Variants in MAPRE1 observed in about 807,000 individuals in gnomAD.
MAPRE1 encodes microtubule-associated protein RP/EB family member 1.
A neutral mutation model predicts 32.1 loss-of-function variants in MAPRE1; 5 were observed. The ratio of observed to expected loss-of-function variants is 0.16; its 90% CI spans 0.08 to 0.33. The LOEUF (loss-of-function observed/expected upper bound fraction) is 0.33, where lower values mean the gene tolerates loss of function less well. Among genes scored for constraint, MAPRE1 ranks in the 10% least tolerant of loss-of-function variants. The pLI is 1.00. For missense variants in MAPRE1, 209 were observed against 327.2 expected (o/e 0.64, Z 2.79); for synonymous variants, 122 against 118.9 (o/e 1.03, Z -0.17).
chr20:32,839,328 G>A (rs1983289328), intron 4 of MAPRE1, among the ~76,000 whole-genome samples: 1 of 152,210 alleles, frequency 6.6e-6, no homozygotes. Flanking sequence ...TTGGTTTGTA[G>A]ATGTGTTAAC....
chr20:32,824,483 C>T (rs1056437929), intron 1 of MAPRE1, among the ~76,000 whole-genome samples: 13 of 152,192 alleles, frequency 8.5e-5, no homozygotes, highest in African/African-American at 2.4e-5. Flanking sequence ...GTGAACCTTG[C>T]AGAGGGCTGT....
At position 32,833,786 on chromosome 20, in the gene MAPRE1, A is replaced by C; in HGVS notation, c.191A>C (p.Gln64Pro). ...ATTGCCTTGAAGAAAGTGAAATTCC[A>C]AGCTAAGCTAGAACACGAGTACATC... is the stretch of plus-strand genomic sequence containing the variant. ...GSIALKKVKFQAKLEHEYIQN... is the reference protein window; with the variant it reads ...GSIALKKVKFPAKLEHEYIQN... Residue 64 changes from glutamine (Q) to proline (P), a missense_variant, in exon 3 of 7, where the codon CAA becomes CCA. By Grantham distance (76) the Gln-to-Pro change is moderately conservative. This residue lies in a region of MAPRE1 where 67 missense variants were observed against 140.0 expected (regional missense o/e 0.48). Transcript: ENST00000375571. 1 of 1,614,104 alleles carries C rather than the reference A, an allele frequency of 6.2e-7. No homozygotes were observed. The highest frequency in any genetic ancestry group is 8.5e-7 in the Non-Finnish European group (1 of 1,179,968).
intron 2 of MAPRE1, among the ~76,000 whole-genome samples, chr20:32,830,323 T>C (rs527694718): frequency 6.6e-6 from 1 of 152,322 alleles, no homozygotes; most frequent in East Asian, 1.9e-4. Context: ...GAGTGTGTTA[T>C]CACACCTGTA....
chr20:32,824,195 C>T (rs1412451864), intron 1 of MAPRE1, among the ~76,000 whole-genome samples: 1 of 152,242 alleles, frequency 6.6e-6, no homozygotes, highest in Non-Finnish European at 1.5e-5. Context: ...TTGTCTCTTG[C>T]TTTTCTGTAT....
chr20:32,831,455 AGTT>A (rs1030722443), intron 2 of MAPRE1, among the ~76,000 whole-genome samples: 7 of 150,386 alleles, frequency 4.7e-5, no homozygotes, highest in African/African-American at 1.5e-4. Flanking sequence ...TTCATGCATA[AGTT>A]GTTGACTTTT....
intron 1 of MAPRE1, among the ~76,000 whole-genome samples, chr20:32,821,024 C>CTTT (rs35886111): frequency 7.1e-6 from 1 of 140,666 alleles, no homozygotes; most frequent in African/African-American, 2.6e-5. Context: ...TCTCTTCTTC[C>CTTT]TTTTTTTTTT....
intron 5 of MAPRE1, among the ~76,000 whole-genome samples, chr20:32,845,460 T>G (rs1194286233): frequency 1.3e-5 from 2 of 152,186 alleles, no homozygotes; most frequent in Admixed American, 6.5e-5. Flanking sequence ...GATGATGAAC[T>G]TTGAAATTCG....
intron 1 of MAPRE1, among the ~76,000 whole-genome samples, chr20:32,825,287 C>T (rs1332939265): frequency 6.6e-6 from 1 of 152,136 alleles, no homozygotes; most frequent in Non-Finnish European, 1.5e-5. Flanking sequence ...GCATCTGCCT[C>T]CCATCATAAA....
intron 6 of MAPRE1, among the ~76,000 whole-genome samples, chr20:32,847,524 CAT>C (rs1983536519): frequency 6.6e-6 from 1 of 152,144 alleles, no homozygotes; most frequent in African/African-American, 2.4e-5. Flanking sequence ...GTCCTTGAGA[CAT>C]ATCTTGTGAA....
intron 5 of MAPRE1, 131 bp downstream of exon 5, chr20:32,839,987 G>C: frequency 7.8e-7 from 1 of 1,276,498 alleles, no homozygotes; most frequent in East Asian, 2.4e-5. Flanking sequence ...ACACGTGTGA[G>C]CCTCAGGTGC....
At chr20:32,826,241 G>T (rs1982844373) in intron 2 of MAPRE1, among the ~76,000 whole-genome samples, 193 bp downstream of exon 2, 1 of 124,292 alleles carries the variant, frequency 8.0e-6, no homozygotes, top group South Asian at 2.4e-4. Context: ...TTTTTTGACA[G>T]AGTCTCGCTC....
At chr20:32,834,778 A>G (rs1168919641) in intron 3 of MAPRE1, among the ~76,000 whole-genome samples, 2 of 152,192 alleles carry the variant, frequency 1.3e-5, no homozygotes, top group African/African-American at 4.8e-5. Context: ...TTGAATATGG[A>G]AAATGTCTAA....
At chr20:32,842,699 G>C (rs1983397874) in intron 5 of MAPRE1, among the ~76,000 whole-genome samples, 1 of 152,232 alleles carries the variant, frequency 6.6e-6, no homozygotes. Context: ...AAGCGTTGAT[G>C]AGAGTACCAA....
At chr20:32,828,459 A>G (rs76949284) in intron 2 of MAPRE1, among the ~76,000 whole-genome samples, 2,042 of 152,332 alleles carry the variant, frequency 0.013, 43 homozygotes, top group African/African-American at 0.047. Context: ...ATCGGGCTCT[A>G]GGTTTATCTC....
intron 2 of MAPRE1, among the ~76,000 whole-genome samples, chr20:32,827,809 C>T (rs1282383374): frequency 2.0e-5 from 3 of 151,594 alleles, no homozygotes; most frequent in South Asian, 2.1e-4. Flanking sequence ...GCAGGAGAAT[C>T]GCTTGAACCT....
intron 2 of MAPRE1, among the ~76,000 whole-genome samples, chr20:32,828,936 G>A (rs1982942134): frequency 6.6e-6 from 1 of 151,734 alleles, no homozygotes; most frequent in South Asian, 2.1e-4. Context: ...AGGTTTGTCA[G>A]TTGTTTTTTT....
rs1486395873 is a variant in MAPRE1 at position 32,820,003 on chromosome 20, A to G, written c.-29A>G. 1.3e-5 allele frequency: 2 copies of G among 151,342 alleles called. No homozygotes were observed. The highest frequency in any genetic ancestry group is 4.9e-5 in the African/African-American group (2 of 41,098). The allele number at this position is 151,342 out of a possible 1,614,324, so 9.4% of individuals were successfully genotyped here. On this transcript the variant is annotated 5_prime_UTR_variant, in exon 1 of 7. Transcript: ENST00000375571. The stretch of plus-strand genomic sequence containing the variant: ...GACGGAACCGGAGCCGGTTGCGGGC[A>G]GTGGACGCGGTTCTGCCGAGAGCCG...
At chr20:32,835,768 G>A (rs146159662) in intron 3 of MAPRE1, among the ~76,000 whole-genome samples, 1,898 of 151,590 alleles carry the variant, frequency 0.013, 38 homozygotes, top group African/African-American at 0.042. Context: ...ACCACACCCG[G>A]CTAATTTTTG....
intron 5 of MAPRE1, among the ~76,000 whole-genome samples, chr20:32,845,931 A>G (rs879039224): frequency 6.6e-6 from 1 of 152,080 alleles, no homozygotes; most frequent in African/African-American, 2.4e-5. Flanking sequence ...TGTGGCCCTG[A>G]CCTGTAAATA....
Sources: allele counts gnomAD v4.1 joint callset (sites outside exome capture counted in the v4.1 genomes callset), GRCh38; gene constraint gnomAD v4.1.1; regional missense constraint gnomAD v4.1.1; transcripts MANE v1.5; gene names NCBI Gene and HGNC (gene_info 2026-07-23, HGNC 2026-07-21).